Variants in HORMAD2 observed in about 807,000 individuals in gnomAD.
The protein encoded by HORMAD2 is HORMA domain-containing protein 2.
HORMAD2 carries 45 observed loss-of-function variants against 38.8 expected under a neutral mutation model. That is an observed-to-expected ratio of 1.16 (90% CI 0.91 to 1.49). The LOEUF is 1.49. Among genes scored for constraint, HORMAD2 ranks in the 40% most tolerant of loss-of-function variants. HORMAD2 has a pLI of 0.00. For synonymous variants in HORMAD2, 126 were observed against 122.8 expected (o/e 1.03, Z -0.17); for missense variants, 338 against 367.0 (o/e 0.92, Z 0.65).
downstream of HORMAD2, among the ~76,000 whole-genome samples, chr22:30,178,992 T>C (rs1926593851): frequency 6.6e-6 from 1 of 152,154 alleles, no homozygotes; most frequent in Admixed American, 6.5e-5. Context: ...ATTCTCCAGC[T>C]CACCTCTTCC....
chr22:30,199,043 C>T, the HORMAD2 span, among the ~76,000 whole-genome samples: 2 of 152,204 alleles, frequency 1.3e-5, no homozygotes, highest in Admixed American at 6.5e-5. Flanking sequence ...GCTTGGCACA[C>T]CACAGGTGCT....
chr22:30,134,368 C>T (rs1338872856), intron 10 of HORMAD2, among the ~76,000 whole-genome samples: 1 of 147,578 alleles, frequency 6.8e-6, no homozygotes, highest in East Asian at 2.0e-4. Context: ...CATTGCACTC[C>T]AGCATATAAT....
chr22:30,183,035 C>T, the HORMAD2 span, among the ~76,000 whole-genome samples: 48 of 152,120 alleles, frequency 3.2e-4, no homozygotes, highest in African/African-American at 1.1e-3. Flanking sequence ...TACTTGCTTA[C>T]GCACATTTAT....
At chr22:30,160,979 G>A (rs1225431063) in intron 10 of HORMAD2, among the ~76,000 whole-genome samples, 1 of 152,098 alleles carries the variant, frequency 6.6e-6, no homozygotes, top group African/African-American at 2.4e-5. Flanking sequence ...CACTTTAGGG[G>A]TTTTCTATTT....
At chr22:30,177,695 G>A (rs1177359170), downstream of HORMAD2, among the ~76,000 whole-genome samples, 1 of 142,158 alleles carries the variant, frequency 7.0e-6, no homozygotes, top group African/African-American at 2.6e-5. Flanking sequence ...GGCTATAGGA[G>A]ATCAATTTAT....
the HORMAD2 span, among the ~76,000 whole-genome samples, chr22:30,204,591 A>G: frequency 6.6e-6 from 1 of 152,216 alleles, no homozygotes; most frequent in African/African-American, 2.4e-5. Flanking sequence ...GCTGGTCAGA[A>G]GCACATTTGA....
At chr22:30,104,498 G>A in intron 5 of HORMAD2, 61 bp downstream of exon 5, 1 of 1,349,956 alleles carries the variant, frequency 7.4e-7, no homozygotes, top group Non-Finnish European at 1.0e-6. Context: ...TTTAAAAAAA[G>A]AAATTAGACA....
chr22:30,206,472 T>TTTTG, the HORMAD2 span, among the ~76,000 whole-genome samples: 2 of 151,810 alleles, frequency 1.3e-5, no homozygotes. Context: ...TTATTTTTTG[T>TTTTG]TTTGTTTGTT....
At chr22:30,151,772 T>G (rs1173787694) in intron 10 of HORMAD2, among the ~76,000 whole-genome samples, 1 of 152,194 alleles carries the variant, frequency 6.6e-6, no homozygotes, top group Non-Finnish European at 1.5e-5. Flanking sequence ...TAATAAAAGA[T>G]AGTTTGAAAG....
chr22:30,204,274 A>G, the HORMAD2 span, among the ~76,000 whole-genome samples: 2 of 152,244 alleles, frequency 1.3e-5, no homozygotes, highest in African/African-American at 4.8e-5. Flanking sequence ...TCCATCACCC[A>G]AGAGCCAGCA....
At chr22:30,201,574 C>T in the HORMAD2 span, among the ~76,000 whole-genome samples, 1 of 152,046 alleles carries the variant, frequency 6.6e-6, no homozygotes, top group African/African-American at 2.4e-5. Context: ...CCCACCCCCT[C>T]GCCCGGCTAA....
At chr22:30,177,366 T>C (rs1926514042), downstream of HORMAD2, among the ~76,000 whole-genome samples, 1 of 152,206 alleles carries the variant, frequency 6.6e-6, no homozygotes, top group Non-Finnish European at 1.5e-5. Context: ...TGTTCAGCAC[T>C]GCCCCTTGCC....
intron 2 of HORMAD2, among the ~76,000 whole-genome samples, chr22:30,098,154 A>G (rs1223496328): frequency 3.3e-5 from 5 of 152,196 alleles, no homozygotes; most frequent in East Asian, 1.9e-4. Flanking sequence ...AAATAAAAAT[A>G]TAGAACTGGG....
intron 10 of HORMAD2, among the ~76,000 whole-genome samples, chr22:30,122,709 G>A (rs1290699677): frequency 6.6e-6 from 1 of 152,136 alleles, no homozygotes; most frequent in Non-Finnish European, 1.5e-5. Flanking sequence ...AACTCACTGG[G>A]GAAAGTCAGG....
intron 10 of HORMAD2, among the ~76,000 whole-genome samples, chr22:30,140,244 A>G (rs1923984616): frequency 6.6e-6 from 1 of 152,054 alleles, no homozygotes; most frequent in African/African-American, 2.4e-5. Flanking sequence ...AGCCTGGGCA[A>G]CAAAGTGAGC....
chr22:30,091,200 A>AT (rs1340062980), intron 1 of HORMAD2, among the ~76,000 whole-genome samples: 1 of 150,724 alleles, frequency 6.6e-6, no homozygotes, highest in East Asian at 1.9e-4. Context: ...TTGTGTATAT[A>AT]TATCCTTTCC....
the HORMAD2 span, chr22:30,207,035 C>A: frequency 2.1e-6 from 1 of 469,736 alleles, no homozygotes; most frequent in Non-Finnish European, 4.4e-6. Flanking sequence ...CCCCTCGTGT[C>A]GGCCTTGCTC....
At chr22:30,096,166 A>T (rs2068778289) in intron 2 of HORMAD2, among the ~76,000 whole-genome samples, 1 of 152,168 alleles carries the variant, frequency 6.6e-6, no homozygotes, top group South Asian at 2.1e-4. Context: ...CGTATACCCC[A>T]GTTTTATTTA....
the HORMAD2 span, among the ~76,000 whole-genome samples, chr22:30,189,073 T>C: frequency 6.6e-6 from 1 of 151,294 alleles, no homozygotes; most frequent in Non-Finnish European, 1.5e-5. Flanking sequence ...GCTGTGATCA[T>C]GCCTGAGTGA....
Sources: gnomAD v4.1 joint callset for allele counts (sites outside exome capture counted in the v4.1 genomes callset) on GRCh38, gnomAD v4.1.1 for gene constraint, MANE v1.5 for transcripts, NCBI Gene and HGNC (gene_info 2026-07-23, HGNC 2026-07-21) for gene names.